FRMPD4: variants seen among roughly 807,000 people sequenced by gnomAD.
The protein encoded by FRMPD4 is FERM and PDZ domain-containing protein 4.
In FRMPD4, 22 loss-of-function variants were observed where a neutral mutation model predicts 94.1. That is an observed-to-expected ratio of 0.23 (90% CI 0.17 to 0.33). FRMPD4 has a LOEUF of 0.33. Ranked by LOEUF, FRMPD4 falls within the 10% of genes least tolerant of loss-of-function variation. FRMPD4 has a pLI of 1.00. For missense variants in FRMPD4, 1,111 were observed against 1,339.9 expected (o/e 0.83, Z 2.67); for synonymous variants, 631 against 548.6 (o/e 1.15, Z -2.10).
chrX:12,127,461 G>A (rs1363349000), intron 3 of FRMPD4, among the ~76,000 whole-genome samples: 1 of 111,420 alleles, frequency 9.0e-6, no homozygotes, highest in African/African-American at 3.3e-5. Context: ...ACTATCACAA[G>A]AGCAGCATAG....
chrX:12,606,000 C>T (rs1017505495), intron 2 of FRMPD4, among the ~76,000 whole-genome samples: 2 of 112,194 alleles, frequency 1.8e-5, no homozygotes, highest in East Asian at 2.8e-4. Flanking sequence ...GGGCGTTTTA[C>T]GAATTGACTA....
At chrX:12,694,476 T>C (rs1294350782) in intron 9 of FRMPD4, 22 bp downstream of exon 9, 1 of 1,144,490 alleles carries the variant, frequency 8.7e-7, no homozygotes, top group African/African-American at 1.8e-5. Flanking sequence ...TTTTGGCATG[T>C]TTTATATCAA....
chrX:12,016,581 A>C (rs1156812409), intron 3 of FRMPD4, among the ~76,000 whole-genome samples: 1 of 111,975 alleles, frequency 8.9e-6, no homozygotes, highest in Non-Finnish European at 1.9e-5. Context: ...ACCTCTTGTC[A>C]TTAGGCAAAG....
intron 1 of FRMPD4, among the ~76,000 whole-genome samples, chrX:12,224,609 G>A (rs764054884): frequency 9.0e-6 from 1 of 111,596 alleles, no homozygotes. Flanking sequence ...AGAAACTTGA[G>A]ATGAGATTAG....
chrX:12,156,511 G>A (rs1391932744), intron 1 of FRMPD4, among the ~76,000 whole-genome samples: 1 of 111,662 alleles, frequency 9.0e-6, no homozygotes, highest in Non-Finnish European at 1.9e-5. Context: ...TGGTGACAGT[G>A]GTTGCCGTAA....
intron 1 of FRMPD4, among the ~76,000 whole-genome samples, chrX:12,493,433 G>A (rs191674728): frequency 4.5e-5 from 5 of 111,603 alleles, no homozygotes; most frequent in Admixed American, 1.9e-4. Flanking sequence ...CAATGTCACC[G>A]ATGAATGACC....
chrX:12,527,605 C>G (rs763985275), intron 2 of FRMPD4, among the ~76,000 whole-genome samples: 1 of 108,449 alleles, frequency 9.2e-6, no homozygotes, highest in Non-Finnish European at 1.9e-5. Flanking sequence ...TCTGAGAACT[C>G]CTTCACTCAG....
intron 1 of FRMPD4, among the ~76,000 whole-genome samples, chrX:12,144,179 G>A (rs779251269): frequency 6.2e-5 from 7 of 112,186 alleles, no homozygotes; most frequent in African/African-American, 1.9e-4. Context: ...AATAAAACCA[G>A]ATAAGTGGAT....
At chrX:12,169,873 G>C (rs949014612) in intron 1 of FRMPD4, among the ~76,000 whole-genome samples, 16 of 112,160 alleles carry the variant, frequency 1.4e-4, no homozygotes, top group Non-Finnish European at 3.0e-4. Flanking sequence ...TTCAGTGGAT[G>C]CAAACACAAA....
At chrX:12,247,939 A>G (rs1018265529) in intron 1 of FRMPD4, among the ~76,000 whole-genome samples, 13 of 112,316 alleles carry the variant, frequency 1.2e-4, no homozygotes, top group Non-Finnish European at 2.1e-4. Context: ...TGGTGATCAA[A>G]GTGTTTTGAA....
At chrX:12,037,272 T>G (rs2054725429) in intron 3 of FRMPD4, among the ~76,000 whole-genome samples, 1 of 111,971 alleles carries the variant, frequency 8.9e-6, no homozygotes, top group Non-Finnish European at 1.9e-5. Flanking sequence ...TTGTCAATAA[T>G]CTTTACCCTC....
chrX:12,052,470 A>G (rs1330097807), intron 3 of FRMPD4, among the ~76,000 whole-genome samples: 1 of 112,050 alleles, frequency 8.9e-6, no homozygotes, highest in Non-Finnish European at 1.9e-5. Context: ...CAGTATTCCC[A>G]CAAATAAAAT....
intron 1 of FRMPD4, among the ~76,000 whole-genome samples, chrX:12,215,011 G>C (rs1053725957): frequency 9.0e-6 from 1 of 110,697 alleles, no homozygotes; most frequent in Non-Finnish European, 1.9e-5. Flanking sequence ...ATATGTGTGC[G>C]TGTATATATG....
intron 3 of FRMPD4, among the ~76,000 whole-genome samples, chrX:12,056,393 A>G (rs1215525935): frequency 8.9e-6 from 1 of 112,131 alleles, no homozygotes; most frequent in African/African-American, 3.2e-5. Flanking sequence ...TAGGACCTAC[A>G]GTCAAACAAG....
chrX:12,226,183 C>T (rs966481345), intron 1 of FRMPD4, among the ~76,000 whole-genome samples: 1 of 111,696 alleles, frequency 9.0e-6, no homozygotes, highest in Non-Finnish European at 1.9e-5. Flanking sequence ...TGGCTCACTG[C>T]AGCCTTGACC....
intron 1 of FRMPD4, among the ~76,000 whole-genome samples, chrX:12,165,936 T>A (rs1488306637): frequency 9.0e-6 from 1 of 111,711 alleles, no homozygotes; most frequent in Non-Finnish European, 1.9e-5. Flanking sequence ...CTTATCAGCT[T>A]AAGGAGATTT....
At chrX:12,578,854 G>A (rs1354711093) in intron 2 of FRMPD4, among the ~76,000 whole-genome samples, 2 of 111,926 alleles carry the variant, frequency 1.8e-5, no homozygotes, top group Non-Finnish European at 3.8e-5. Flanking sequence ...GTGTATCTGT[G>A]TCTATGTATG....
intron 1 of FRMPD4, among the ~76,000 whole-genome samples, chrX:12,176,158 C>T (rs1348263416): frequency 1.8e-5 from 2 of 112,169 alleles, no homozygotes; most frequent in South Asian, 3.7e-4. Context: ...CAAGCTTCAG[C>T]GCATATTAGT....
intron 3 of FRMPD4, among the ~76,000 whole-genome samples, chrX:11,985,806 G>C (rs761870277): frequency 1.8e-5 from 2 of 112,148 alleles, no homozygotes; most frequent in Non-Finnish European, 3.8e-5. Context: ...AAGCTCCTCT[G>C]CCCATGGAAA....
Sources: gnomAD v4.1 joint callset for allele counts (sites outside exome capture counted in the v4.1 genomes callset) on GRCh38, gnomAD v4.1.1 for gene constraint, MANE v1.5 for transcripts, NCBI Gene and HGNC (gene_info 2026-07-23, HGNC 2026-07-21) for gene names.